GSG1L: variants seen among roughly 807,000 people sequenced by gnomAD.
The protein encoded by GSG1L is GSG1 like, also known as germ cell-specific gene 1-like protein.
A neutral mutation model predicts 42.1 loss-of-function variants in GSG1L; 24 were observed. The observed-to-expected ratio is 0.57, with a 90% CI of 0.41 to 0.80. The LOEUF (loss-of-function observed/expected upper bound fraction) is 0.80. Among genes scored for constraint, GSG1L ranks in the 30% least tolerant of loss-of-function variants. GSG1L has a pLI of 0.00. For missense variants in GSG1L, 445 were observed against 472.2 expected, an observed-to-expected ratio of 0.94 and a Z score of 0.53; for synonymous variants, 215 against 203.5, an observed-to-expected ratio of 1.06 and a Z score of -0.48.
intron 2 of GSG1L, among the ~76,000 whole-genome samples, chr16:27,891,562 T>G (rs1022003063): frequency 1.3e-4 from 20 of 152,070 alleles, no homozygotes; most frequent in African/African-American, 4.8e-4. Flanking sequence ...AGCCTTAACC[T>G]CCTGAGCTCA....
intron 1 of GSG1L, among the ~76,000 whole-genome samples, chr16:28,009,556 G>A (rs147676266): frequency 5.3e-5 from 8 of 152,304 alleles, no homozygotes; most frequent in South Asian, 2.1e-4. Context: ...CACAGGGCGC[G>A]GGCTCATTAC....
intron 3 of GSG1L, among the ~76,000 whole-genome samples, chr16:27,852,691 TA>T (rs2083528675): frequency 1.3e-5 from 2 of 152,108 alleles, no homozygotes; most frequent in Admixed American, 1.3e-4. Flanking sequence ...TGGGAAATTT[TA>T]AGCCATCCGA....
chr16:27,822,697 C>T (rs1002568149), intron 5 of GSG1L, among the ~76,000 whole-genome samples: 7 of 152,074 alleles, frequency 4.6e-5, no homozygotes, highest in Non-Finnish European at 1.0e-4. Context: ...GGACTACAGG[C>T]GTGAGCCACC....
chr16:27,839,986 G>A (rs992534022), intron 4 of GSG1L, among the ~76,000 whole-genome samples: 6 of 151,496 alleles, frequency 4.0e-5, no homozygotes, highest in Non-Finnish European at 8.8e-5. Flanking sequence ...GGCTTGTAAA[G>A]TGCCTCCCAC....
Position 27,865,276 on chromosome 16 carries a change from G to C in GSG1L, c.550+19210C>G, listed in dbSNP as rs1260553580. On this transcript the variant is annotated intron_variant, in intron 3 of 6. Coordinates refer to ENST00000447459, the MANE Select transcript of GSG1L (RefSeq NM_001109763.2). ...CACCCAACTCCTGACCTGGTCCTTG[G>C]AGTGTGTTTTCCTGGATTGACTAAG... Among the ~76,000 whole-genome samples, 3 of 152,000 alleles carry C rather than the reference G, an allele frequency of 2.0e-5. No homozygotes were observed. The South Asian group carries it at 6.2e-4, about 32-fold the overall frequency.
In GSG1L at chr16:27,955,380, A is replaced by G. The variant is rs186125833; in HGVS notation, c.397+7776T>C. ...TAAAAATTGAATAAATATCTGAGGA[A>G]TAAATAAAAAGGCAAATAAAAATGA... On this transcript the variant is annotated intron_variant, in intron 2 of 6. Coordinates refer to ENST00000447459, the MANE Select transcript of GSG1L (RefSeq NM_001109763.2). Among the ~76,000 whole-genome samples the G allele has an allele frequency of 1.2e-3, 184 of 152,276 alleles. 1 individual carries two copies. Among genetic ancestry groups the G allele is most frequent in the African/African-American group, 4.3e-3 (180 of 41,586 alleles).
chr16:27,927,399 C>T lies in GSG1L; in HGVS notation c.397+35757G>A, dbSNP rs140164592. Among the ~76,000 whole-genome samples, 603 of 152,188 alleles carry T rather than the reference C, an allele frequency of 4.0e-3. 8 individuals carry two copies. The highest frequency in any genetic ancestry group is 0.011 in the South Asian group (52 of 4,810). ...TGGCGATGAGAATCTGACCTTGCCA[C>T]CTCTCGCCGGAATCCTTCAGTGACT... On this transcript the variant is annotated intron_variant, in intron 2 of 6. Transcript: ENST00000447459.
chr16:27,883,775 C>T (rs1008468130), intron 3 of GSG1L, among the ~76,000 whole-genome samples: 3 of 152,216 alleles, frequency 2.0e-5, no homozygotes, highest in Non-Finnish European at 4.4e-5. Context: ...CCCAGCTTAA[C>T]CCCTGATGAC....
intron 1 of GSG1L, among the ~76,000 whole-genome samples, chr16:28,032,226 G>A (rs1053418174): frequency 3.9e-5 from 6 of 152,264 alleles, no homozygotes; most frequent in South Asian, 2.1e-4. Flanking sequence ...TTTGGTATCC[G>A]TCAGACTTGG....
chr16:27,814,129 T>C (rs567174850), intron 5 of GSG1L, among the ~76,000 whole-genome samples: 1 of 152,304 alleles, frequency 6.6e-6, no homozygotes, highest in Non-Finnish European at 1.5e-5. Flanking sequence ...TTTCTTTCTT[T>C]GAGCCAAAAT....
intron 1 of GSG1L, among the ~76,000 whole-genome samples, chr16:28,008,480 C>T (rs947903089): frequency 6.6e-6 from 1 of 152,218 alleles, no homozygotes; most frequent in Admixed American, 6.5e-5. Context: ...TGACACCTGG[C>T]CAAGGCTGCC....
In GSG1L at chr16:27,788,785, T is replaced by C. The variant is rs982147709; in HGVS notation, c.*2585A>G. On this transcript the variant is annotated 3_prime_UTR_variant, in exon 7 of 7. Transcript: ENST00000447459. The stretch of plus-strand genomic sequence containing the variant: ...TAGACACTTCAAATATGTTAGCTCA[T>C]TTAATTTGCACAACAGCTTGAAGAG... 3.9e-5 allele frequency: 6 copies of C among 152,246 alleles called. No homozygotes were observed. The East Asian group carries it at 1.2e-3, about 29-fold the overall frequency. 9.4% of individuals were successfully genotyped at this position (152,246 alleles called of 1,614,324 possible). A position where few individuals can be genotyped will look rare whatever the true frequency, so the allele number is the denominator to read the frequency against.
intron 1 of GSG1L, among the ~76,000 whole-genome samples, chr16:28,049,542 G>A (rs544127420): frequency 2.6e-5 from 4 of 151,880 alleles, no homozygotes; most frequent in Admixed American, 2.6e-4. Context: ...TAAAAATTAG[G>A]TGGGCATGGT....
intron 1 of GSG1L, among the ~76,000 whole-genome samples, chr16:28,025,517 G>A (rs1413088198): frequency 6.6e-6 from 1 of 152,158 alleles, no homozygotes; most frequent in African/African-American, 2.4e-5. Context: ...CCCAAGCCCG[G>A]CTCAACCCTC....
At chr16:28,037,499 C>T (rs1241432496) in intron 1 of GSG1L, among the ~76,000 whole-genome samples, 2 of 152,186 alleles carry the variant, frequency 1.3e-5, no homozygotes, top group African/African-American at 4.8e-5. Flanking sequence ...ACAAATGCTT[C>T]AGGTGGTCCC....
chr16:27,923,021 C>T (rs997674487), intron 2 of GSG1L, among the ~76,000 whole-genome samples: 3 of 152,182 alleles, frequency 2.0e-5, no homozygotes, highest in Non-Finnish European at 4.4e-5. Flanking sequence ...CTCCTGGCCT[C>T]AAGCAATCCT....
chr16:27,841,593 T>C lies in GSG1L; in HGVS notation c.662+3357A>G, dbSNP rs1190049302. Among the ~76,000 whole-genome samples the C allele has an allele frequency of 5.3e-5, 8 of 151,970 alleles. No homozygotes were observed. In the East Asian group the frequency reaches 1.5e-3, roughly 29 times the overall value. Reference sequence around the variant, plus strand: ...ATTTTGACAAATGGCCTCACACATATTAAACAAGAGAGATGACATGGTGCA... The same window carrying C: ...ATTTTGACAAATGGCCTCACACATACTAAACAAGAGAGATGACATGGTGCA... On this transcript the variant is annotated intron_variant, in intron 4 of 6. Transcript: ENST00000447459.
At chr16:27,816,184 A>G (rs978840632) in intron 5 of GSG1L, among the ~76,000 whole-genome samples, 7 of 152,164 alleles carry the variant, frequency 4.6e-5, no homozygotes, top group African/African-American at 7.2e-5. Context: ...GTAATGCACT[A>G]TCCGGTGCCC....
chr16:27,882,755 G>A (rs2083975281), intron 3 of GSG1L, among the ~76,000 whole-genome samples: 1 of 152,266 alleles, frequency 6.6e-6, no homozygotes, highest in South Asian at 2.1e-4. Context: ...AACACACCCA[G>A]TCCATAGAGG....
Sources: allele counts gnomAD v4.1 joint callset (sites outside exome capture counted in the v4.1 genomes callset), GRCh38; gene constraint gnomAD v4.1.1; transcripts MANE v1.5; gene names NCBI Gene and HGNC (gene_info 2026-07-23, HGNC 2026-07-21).